The following SLC4A7 variants were observed in gnomAD, a reference collection of about 807,000 sequenced individuals.
The protein encoded by SLC4A7 is sodium bicarbonate cotransporter 3.
SLC4A7 carries 51 observed loss-of-function variants against 137.6 expected under a neutral mutation model. The ratio of observed to expected loss-of-function variants is 0.37; its 90% CI spans 0.30 to 0.47. The LOEUF (loss-of-function observed/expected upper bound fraction) is 0.47, where lower values mean the gene tolerates loss of function less well. SLC4A7 is among the 20% of genes least tolerant of loss of function. The probability of loss-of-function intolerance (pLI) is 1.00; values close to 1 mark genes in which losing one functional copy is unlikely to be tolerated. For missense variants in SLC4A7, 1,247 were observed against 1,525.4 expected, an observed-to-expected ratio of 0.82 and a Z score of 3.04; for synonymous variants, 542 against 518.6, an observed-to-expected ratio of 1.05 and a Z score of -0.61.
intron 1 of SLC4A7, among the ~76,000 whole-genome samples, chr3:27,468,316 A>G (rs774064387): frequency 2.0e-5 from 3 of 152,244 alleles, no homozygotes; most frequent in Admixed American, 6.5e-5. Flanking sequence ...AATTATCTCC[A>G]TAAGTTGTAT....
intron 11 of SLC4A7, among the ~76,000 whole-genome samples, chr3:27,413,260 T>C (rs565241323): frequency 5.9e-5 from 9 of 152,174 alleles, no homozygotes; most frequent in Non-Finnish European, 1.2e-4. Flanking sequence ...CATATACCAA[T>C]TTCCAAAGAA....
chr3:27,472,100 A>G (rs2150708797), intron 1 of SLC4A7, among the ~76,000 whole-genome samples: 1 of 152,304 alleles, frequency 6.6e-6, no homozygotes, highest in South Asian at 2.1e-4. Flanking sequence ...AAAGCTCACA[A>G]CCATAACAAA....
intron 1 of SLC4A7, among the ~76,000 whole-genome samples, chr3:27,460,672 A>T (rs1393356713): frequency 6.6e-6 from 1 of 152,194 alleles, no homozygotes; most frequent in Non-Finnish European, 1.5e-5. Context: ...TTCATTTAAG[A>T]AGGCCTTGAG....
intron 6 of SLC4A7, among the ~76,000 whole-genome samples, chr3:27,433,358 C>T (rs1299929404): frequency 1.3e-5 from 2 of 152,194 alleles, no homozygotes; most frequent in Non-Finnish European, 2.9e-5. Flanking sequence ...GGCAAAACCT[C>T]CAAGTGTCCA....
chr3:27,437,732 T>C (rs539580351), intron 3 of SLC4A7, among the ~76,000 whole-genome samples: 1 of 145,396 alleles, frequency 6.9e-6, no homozygotes, highest in Non-Finnish European at 1.5e-5. Flanking sequence ...AGAAAGATAA[T>C]CTCTATAGAA....
At chr3:27,429,339 AT>A (rs141812029) in intron 7 of SLC4A7, among the ~76,000 whole-genome samples, 23,188 of 151,554 alleles carry the variant, frequency 0.15, 1,917 homozygotes, top group African/African-American at 0.23. Context: ...TGCACATACA[AT>A]TTTTTTTTCC....
In SLC4A7 at chr3:27,473,641, G is replaced by A. The variant is rs533363314; in HGVS notation, c.60+10426C>T. On this transcript the variant is annotated intron_variant, in intron 1 of 25. Coordinates refer to ENST00000454389, the MANE Select transcript of SLC4A7 (RefSeq NM_001321103.2). Reference sequence around the variant, plus strand: ...GAGGATTGTTTGAGCCCGGGGGGTGGAGGGTGTAGTGAGCCGAGATCATAT... The same window carrying A: ...GAGGATTGTTTGAGCCCGGGGGGTGAAGGGTGTAGTGAGCCGAGATCATAT... Among the ~76,000 whole-genome samples the A allele has an allele frequency of 1.7e-3, 255 of 150,170 alleles. 3 individuals are homozygous for A. Among genetic ancestry groups the A allele is most frequent in the Non-Finnish European group, 3.1e-3 (207 of 67,710 alleles).
At chr3:27,407,956 A>T (rs1284106615) in intron 13 of SLC4A7, among the ~76,000 whole-genome samples, 1 of 152,020 alleles carries the variant, frequency 6.6e-6, no homozygotes, top group Non-Finnish European at 1.5e-5. Flanking sequence ...CTCCATTTCC[A>T]CCTGAAGTTC....
At chr3:27,459,961 TCA>T (rs1018129726) in intron 1 of SLC4A7, among the ~76,000 whole-genome samples, 2 of 135,758 alleles carry the variant, frequency 1.5e-5, no homozygotes, top group African/African-American at 2.7e-5. Flanking sequence ...CTTCCACATC[TCA>T]GTGTTATTTA....
chr3:27,419,931 G>A (rs2054781665), intron 10 of SLC4A7, among the ~76,000 whole-genome samples: 2 of 151,920 alleles, frequency 1.3e-5, no homozygotes, highest in Non-Finnish European at 2.9e-5. Context: ...GCTCACGCCT[G>A]TAATCCCAGC....
At chr3:27,382,898 G>T (rs909887159) in intron 24 of SLC4A7, among the ~76,000 whole-genome samples, 2 of 152,182 alleles carry the variant, frequency 1.3e-5, no homozygotes, top group Non-Finnish European at 2.9e-5. Context: ...AGTGATAGAA[G>T]ACAAGCAAAT....
intron 13 of SLC4A7, among the ~76,000 whole-genome samples, chr3:27,408,506 G>C: frequency 6.6e-6 from 1 of 152,234 alleles, no homozygotes; most frequent in East Asian, 1.9e-4. Context: ...TTCATGTTTA[G>C]ATCATGAAAT....
rs11353094 is a variant in SLC4A7 at position 27,461,797 on chromosome 3, C to CA, written c.61-9300dup. 4.5e-3 allele frequency among the ~76,000 whole-genome samples: 615 copies of CA among 136,002 alleles called. 4 individuals are homozygous for CA. The highest frequency in any genetic ancestry group is 0.015 in the South Asian group (63 of 4,198). 89.2% of individuals were successfully genotyped at this position (136,002 alleles called of 152,430 possible). A position where few individuals can be genotyped will look rare whatever the true frequency, so the allele number is the denominator to read the frequency against. The stretch of plus-strand genomic sequence containing the variant: ...CAACATGGTGAAACCCCATCTCCAC[C>CA]AAAAAAAAAAAAAAATTAGCCGGGC... On this transcript the variant is annotated intron_variant, in intron 1 of 25. Coordinates refer to ENST00000454389, the MANE Select transcript of SLC4A7 (RefSeq NM_001321103.2).
Position 27,484,226 on chromosome 3 carries a change from C to G in SLC4A7, c.-100G>C. Reference sequence around the variant, plus strand: ...CCGCCGCCGCCGAGCCCCCGGCGCGCGAGGACAAACGTGGGTGCGTCCGTG... The same window carrying G: ...CCGCCGCCGCCGAGCCCCCGGCGCGGGAGGACAAACGTGGGTGCGTCCGTG... On this transcript the variant is annotated 5_prime_UTR_variant, in exon 1 of 26. Coordinates refer to ENST00000454389, the MANE Select transcript of SLC4A7 (RefSeq NM_001321103.2). 1 of 1,010,236 alleles carries G rather than the reference C, an allele frequency of 9.9e-7. No individual in the cohort carries two copies. Among genetic ancestry groups the G allele is most frequent in the Non-Finnish European group, 1.3e-6 (1 of 789,494 alleles). The allele number at this position is 1,010,236 out of a possible 1,614,324, so 62.6% of individuals were successfully genotyped here.
In SLC4A7 at chr3:27,436,438, T is replaced by C. The variant is rs765415751; in HGVS notation, c.539A>G (p.Asn180Ser). ...TCTCATATCCAGCATGACTGTTCCA[T>C]TGAGGATGCAACTCCTTAGTTCAAA... ...SLFELRSCILNGTVMLDMRAS... is the reference protein window; with the variant it reads ...SLFELRSCILSGTVMLDMRAS... The change falls in exon 5 of 26, where the codon AAT becomes AGT. Residue 180 changes from asparagine (N) to serine (S), a missense_variant. Transcript: ENST00000454389. 6 of 1,613,758 alleles carry C rather than the reference T, an allele frequency of 3.7e-6. No individual in the cohort carries two copies. The highest frequency in any genetic ancestry group is 1.6e-4 in the Middle Eastern group (1 of 6,082).
chr3:27,395,097 C>T lies in SLC4A7; in HGVS notation c.2722G>A (p.Gly908Arg). ...EKFEPTHPERGWIISPLGDNP... is the reference protein window; with the variant it reads ...EKFEPTHPERRWIISPLGDNP... ...TCTCCCAGTGGGCTTATGATCCACCCTCTCTCTGGATGAGTAGGCTGTTAA... is the reference window on the plus strand; with the variant it reads ...TCTCCCAGTGGGCTTATGATCCACCTTCTCTCTGGATGAGTAGGCTGTTAA... Residue 908 changes from glycine to arginine, a missense_variant, in exon 19 of 26, where the codon GGG (glycine) becomes AGG (arginine). Gly to Arg is a moderately radical substitution (Grantham distance 125). Coordinates refer to ENST00000454389, the MANE Select transcript of SLC4A7 (RefSeq NM_001321103.2). The T allele has an allele frequency of 6.3e-7, 1 of 1,592,318 alleles. No individual in the cohort carries two copies.
At chr3:27,413,718 A>G (rs905111619) in intron 11 of SLC4A7, among the ~76,000 whole-genome samples, 1 of 152,224 alleles carries the variant, frequency 6.6e-6, no homozygotes, top group African/African-American at 2.4e-5. Context: ...AACATGATGA[A>G]ATGTATATTT....
chr3:27,447,532 C>T (rs2057749462), intron 3 of SLC4A7, among the ~76,000 whole-genome samples: 1 of 151,894 alleles, frequency 6.6e-6, no homozygotes, highest in Admixed American at 6.6e-5. Flanking sequence ...GCTCTCTTTG[C>T]TAGAAAGCAA....
chr3:27,472,684 T>A (rs555695077), intron 1 of SLC4A7, among the ~76,000 whole-genome samples: 6 of 152,304 alleles, frequency 3.9e-5, no homozygotes, highest in African/African-American at 1.4e-4. Context: ...TCTGATGGGC[T>A]CATACTTTGC....
Sources: gnomAD v4.1 joint callset for allele counts (sites outside exome capture counted in the v4.1 genomes callset) on GRCh38, gnomAD v4.1.1 for gene constraint, MANE v1.5 for transcripts, NCBI Gene and HGNC (gene_info 2026-07-23, HGNC 2026-07-21) for gene names.